Variants in ADGRD2 observed in about 807,000 individuals in gnomAD.
The protein encoded by ADGRD2 is G protein-coupled receptor PGR24.
In ADGRD2, 71 loss-of-function variants were observed where a neutral mutation model predicts 44.4. The observed-to-expected ratio is 1.60, with a 90% confidence interval of 1.32 to 1.95. The LOEUF (loss-of-function observed/expected upper bound fraction) is 1.95, where lower values mean the gene tolerates loss of function less well. ADGRD2 is among the 30% of genes most tolerant of loss of function. ADGRD2 has a pLI of 0.00. For missense variants in ADGRD2, 1,039 were observed against 512.4 expected (o/e 2.03, Z -9.92); for synonymous variants, 481 against 224.8 (o/e 2.14, Z -10.19).
At chr9:124,450,979 A>C (rs1831455284), upstream of ADGRD2, among the ~76,000 whole-genome samples, 2 of 152,088 alleles carry the variant, frequency 1.3e-5, no homozygotes, top group Non-Finnish European at 2.9e-5. Flanking sequence ...GTGACCCCAG[A>C]TCACCCAGGG....
At chr9:124,458,113 G>C (rs58155983) in exon 9 of ADGRD2, 27,664 of 718,318 alleles carry the variant, frequency 0.039, 2,242 homozygotes, top group East Asian at 0.25. Flanking sequence ...TCTCAGCCAG[G>C]CCTCTCTGGA....
At chr9:124,469,727 A>G (rs1831909097) in intron 16 of ADGRD2, among the ~76,000 whole-genome samples, 180 bp downstream of exon 19, 1 of 152,258 alleles carries the variant, frequency 6.6e-6, no homozygotes, top group African/African-American at 2.4e-5. Flanking sequence ...TGTGTCACAC[A>G]TGCTTGGGCA....
rs1564142721 is a variant in ADGRD2 at position 124,469,422 on chromosome 9, A to C, written c.2522-10A>C. On this transcript the variant is annotated splice_polypyrimidine_tract_variant and intron_variant, in intron 15 of 21. Coordinates refer to ENST00000334810, the Ensembl canonical transcript of ADGRD2. ...GGAAGTCCTCTTGCCCACTGACCCC[A>C]GGTCTCCAGGCCAACACCTGCATCC... 4.2e-6 allele frequency: 3 copies of C among 718,182 alleles called. No homozygotes were observed. The highest frequency in any genetic ancestry group is 7.8e-6 in the Non-Finnish European group (3 of 385,086). The allele number at this position is 718,182 out of a possible 1,614,324, so 44.5% of individuals were successfully genotyped here.
chr9:124,465,668 TA>T (rs1179394479), intron 10 of ADGRD2: 2 of 152,174 alleles, frequency 1.3e-5, no homozygotes, highest in East Asian at 1.9e-4. Context: ...ATGATTTTTT[TA>T]AAAATATGTC....
chr9:124,453,931 C>T, intron 3 of ADGRD2, 68 bp from the exon 7 acceptor site: 2 of 611,068 alleles, frequency 3.3e-6, no homozygotes, highest in Non-Finnish European at 5.9e-6. Flanking sequence ...CCACCTAACC[C>T]CGGGGCCGTG....
At chr9:124,462,569 A>AT (rs1332043449) in intron 10 of ADGRD2, among the ~76,000 whole-genome samples, 2 of 152,050 alleles carry the variant, frequency 1.3e-5, no homozygotes, top group African/African-American at 2.4e-5. Flanking sequence ...GGGTTTTTAC[A>AT]TTTTTTTCTC....
intron 10 of ADGRD2, among the ~76,000 whole-genome samples, chr9:124,462,157 A>C (rs1356327905): frequency 6.6e-6 from 1 of 151,968 alleles, no homozygotes; most frequent in Non-Finnish European, 1.5e-5. Flanking sequence ...TCCCTGGCTC[A>C]AGCGATCCTC....
chr9:124,451,041 G>A (rs566061975), upstream of ADGRD2: 3 of 471,518 alleles, frequency 6.4e-6, no homozygotes, highest in African/African-American at 4.0e-5. Context: ...CCCACCAGCC[G>A]GAACCACAAG....
exon 16 of ADGRD2, chr9:124,469,439 C>T (rs1320377019): frequency 1.4e-6 from 1 of 718,228 alleles, no homozygotes; most frequent in Admixed American, 2.0e-5. Context: ...CAGGCCAACA[C>T]CTGCATCCTG....
At chr9:124,469,241 G>A in exon 15 of ADGRD2, 1 of 715,876 alleles carries the variant, frequency 1.4e-6, no homozygotes, top group Non-Finnish European at 2.6e-6. Context: ...TGGGCATCGT[G>A]GCGGTCACCC....
At chr9:124,467,552 A>T (rs375297668) in intron 11 of ADGRD2, among the ~76,000 whole-genome samples, 169 bp from the exon 15 acceptor site, 160 of 152,226 alleles carry the variant, frequency 1.1e-3, no homozygotes, top group South Asian at 5.6e-3. Flanking sequence ...GGACATGCTC[A>T]CACCTGCTTA....
intron 16 of ADGRD2, 47 bp from the exon 20 acceptor site, chr9:124,470,447 C>A (rs1255339750): frequency 1.4e-6 from 1 of 691,984 alleles, no homozygotes; most frequent in East Asian, 2.7e-5. Context: ...CTGCGGGGAG[C>A]TCCCCAGGCC....
At position 124,457,498 on chromosome 9, in the gene ADGRD2, AG is replaced by A; in HGVS notation, c.1535del (p.Glu513ArgfsTer29). On this transcript the variant is annotated frameshift_variant, in exon 8 of 22. Coordinates refer to ENST00000334810, the Ensembl canonical transcript of ADGRD2. LOFTEE classifies it high-confidence loss of function. ...CCTGGAGGTGCGGAGCTTACGCTTG[AG>A]GGAGGCCAGCACGAGGGGCTGCTTA... The A allele has an allele frequency of 1.5e-6, 1 of 668,768 alleles. No individual in the cohort carries two copies. Among genetic ancestry groups the A allele is most frequent in the Non-Finnish European group, 2.7e-6 (1 of 366,492 alleles). 41.4% of individuals were successfully genotyped at this position (668,768 alleles called of 1,614,324 possible).
exon 3 of ADGRD2, chr9:124,453,232 G>A (rs532124477): frequency 1.0e-4 from 60 of 583,986 alleles, no homozygotes; most frequent in Non-Finnish European, 1.5e-4. Context: ...GCGCGCCTTC[G>A]CCGAGCCGGG....
In ADGRD2 at chr9:124,458,982, C is replaced by T. The variant is rs114558585; in HGVS notation, c.1870+261C>T. ...TTCATCCAAAGCTTGGGAGGGCTGA[C>T]GTGATTGGCCCCAGCTTGTAAGTGG... On this transcript the variant is annotated intron_variant, in intron 10 of 21. Coordinates refer to ENST00000334810, the Ensembl canonical transcript of ADGRD2. Among the ~76,000 whole-genome samples the T allele has an allele frequency of 4.4e-3, 675 of 152,300 alleles. 7 individuals are homozygous for T. The highest frequency in any genetic ancestry group is 0.015 in the African/African-American group (632 of 41,558).
chr9:124,455,718 C>T (rs1831603551), intron 6 of ADGRD2, among the ~76,000 whole-genome samples: 1 of 152,188 alleles, frequency 6.6e-6, no homozygotes, highest in Non-Finnish European at 1.5e-5. Context: ...GGGATCTATG[C>T]CAAGTGGACA....
intron 16 of ADGRD2, 49 bp from the exon 20 acceptor site, chr9:124,470,445 A>G: frequency 1.4e-6 from 1 of 689,750 alleles, no homozygotes; most frequent in Non-Finnish European, 2.7e-6. Context: ...CCCTGCGGGG[A>G]GCTCCCCAGG....
intron 17 of ADGRD2, among the ~76,000 whole-genome samples, chr9:124,471,942 G>T (rs922340018): frequency 6.6e-6 from 1 of 152,236 alleles, no homozygotes; most frequent in South Asian, 2.1e-4. Context: ...CTTCATGGCT[G>T]GGTTCAGTCT....
intron 21 of ADGRD2, among the ~76,000 whole-genome samples, chr9:124,477,761 A>C (rs1832074994): frequency 6.6e-6 from 1 of 150,832 alleles, no homozygotes; most frequent in Non-Finnish European, 1.5e-5. Flanking sequence ...GGCGCCCCCC[A>C]CAGGCCCGCC....
Sources: gnomAD v4.1 joint callset for allele counts (sites outside exome capture counted in the v4.1 genomes callset) on GRCh38, gnomAD v4.1.1 for gene constraint, MANE v1.5 for transcripts, NCBI Gene and HGNC (gene_info 2026-07-23, HGNC 2026-07-21) for gene names.